FOXP1: variants seen among roughly 807,000 people sequenced by gnomAD.
FOXP1 encodes forkhead box protein P1.
A neutral mutation model predicts 98.2 loss-of-function variants in FOXP1; 15 were observed. The observed-to-expected ratio is 0.15, with a 90% CI of 0.10 to 0.24. The LOEUF (loss-of-function observed/expected upper bound fraction) is 0.24. Among genes scored for constraint, FOXP1 ranks in the 10% least tolerant of loss-of-function variants. FOXP1 has a pLI of 1.00. For synonymous variants in FOXP1, 371 were observed against 314.5 expected (o/e 1.18, Z -1.90); for missense variants, 633 against 848.5 (o/e 0.75, Z 3.15).
intron 5 of FOXP1, among the ~76,000 whole-genome samples, chr3:71,200,136 T>C (rs2063578702): frequency 6.9e-6 from 1 of 145,944 alleles, no homozygotes; most frequent in Non-Finnish European, 1.5e-5. Context: ...TGTAAATACA[T>C]TTCACATTCA....
chr3:71,139,095 T>A (rs753398272), intron 6 of FOXP1, among the ~76,000 whole-genome samples: 8 of 152,166 alleles, frequency 5.3e-5, no homozygotes, highest in Admixed American at 1.3e-4. Flanking sequence ...ACAGGAAATT[T>A]TCTTTTATGA....
chr3:71,314,530 A>AATATATATATATAT (rs59655430), intron 4 of FOXP1, among the ~76,000 whole-genome samples: 8 of 143,398 alleles, frequency 5.6e-5, no homozygotes, highest in African/African-American at 1.0e-4. Flanking sequence ...CCGTCTAAAA[A>AATATATATATATAT]ATATATATAT....
intron 6 of FOXP1, chr3:71,130,805 A>G (rs1388632697): frequency 1.4e-6 from 2 of 1,434,720 alleles, no homozygotes; most frequent in Non-Finnish European, 1.8e-6. Context: ...TTGAAAGATC[A>G]GTTGGAGCTT....
In FOXP1 at chr3:71,173,419, ACAC is replaced by A. The variant is rs1305569882; in HGVS notation, c.180+24780_180+24782del. Among the ~76,000 whole-genome samples the A allele has an allele frequency of 1.0e-4, 15 of 148,722 alleles. 1 individual carries two copies. The highest frequency in any genetic ancestry group is 9.4e-4 in the Admixed American group (14 of 14,936). On this transcript the variant is annotated intron_variant, in intron 6 of 20. Coordinates refer to ENST00000649528, the MANE Select transcript of FOXP1 (RefSeq NM_001349338.3). ...CACACACACACACACACACACACAC[ACAC>A]TTTTTGCCTTAGTTCTTGCCCTGCA...
At position 71,053,648 on chromosome 3, in the gene FOXP1, G is replaced by A. The variant is rs1025970989; in HGVS notation, c.408C>T (p.Leu136=). ...LQVLLQQQQA[L]MLQQQQLQEF... ...GAAGGACAATTACCTGTTGAAGCAT[G>A]AGGGCCTGCTGCTGCTGGAGGAGAA... The change falls in exon 8 of 21, where the codon CTC becomes CTT. Residue 136 remains leucine, a synonymous_variant. Coordinates refer to ENST00000649528, the MANE Select transcript of FOXP1 (RefSeq NM_001349338.3). 6.2e-7 allele frequency: 1 copy of A among 1,614,122 alleles called. No homozygotes were observed. Among genetic ancestry groups the A allele is most frequent in the Non-Finnish European group, 8.5e-7 (1 of 1,180,000 alleles).
intron 5 of FOXP1, among the ~76,000 whole-genome samples, chr3:71,248,092 A>G (rs758518671): frequency 3.9e-5 from 6 of 152,224 alleles, no homozygotes; most frequent in Non-Finnish European, 8.8e-5. Flanking sequence ...GGACTTGTCA[A>G]TTACACAAGC....
At position 71,052,596 on chromosome 3, in the gene FOXP1, G is replaced by T; in HGVS notation, c.451C>A (p.Gln151Lys). 2 of 1,422,232 alleles carry T rather than the reference G, an allele frequency of 1.4e-6. No individual in the cohort carries two copies. The highest frequency in any genetic ancestry group is 2.0e-6 in the Non-Finnish European group (2 of 1,004,590). 88.1% of individuals were successfully genotyped at this position (1,422,232 alleles called of 1,614,324 possible). ...AAAAGTTGAAGCTGCAACTGTTCCT[G>T]TTGTTTTTTATAAAACTCTTGAAGC... ...QQLQEFYKKQ[Q>K]EQLQLQLLQQ... Residue 151 changes from glutamine (Q) to lysine (K), a missense_variant, in exon 9 of 21, where the codon CAG becomes AAG. Transcript: ENST00000649528.
intron 5 of FOXP1, among the ~76,000 whole-genome samples, chr3:71,249,105 T>TAACTG (rs1436742945): frequency 6.6e-6 from 1 of 152,188 alleles, no homozygotes; most frequent in East Asian, 1.9e-4. Flanking sequence ...GGAAAGAAAA[T>TAACTG]AACTGAATGG....
At chr3:71,067,008 AG>A (rs1257527746) in intron 7 of FOXP1, among the ~76,000 whole-genome samples, 22 of 152,170 alleles carry the variant, frequency 1.4e-4, no homozygotes, top group African/African-American at 5.3e-4. Flanking sequence ...GGTGGCTGTA[AG>A]CACCATGGGA....
At chr3:71,454,104 T>C (rs1418974586) in intron 3 of FOXP1, among the ~76,000 whole-genome samples, 1 of 152,290 alleles carries the variant, frequency 6.6e-6, no homozygotes, top group East Asian at 1.9e-4. Flanking sequence ...CTGCACCCCT[T>C]TGTAAGATGT....
intron 19 of FOXP1, among the ~76,000 whole-genome samples, chr3:70,967,526 T>C (rs1175435857): frequency 6.6e-6 from 1 of 152,142 alleles, no homozygotes; most frequent in Non-Finnish European, 1.5e-5. Context: ...CTCATTTTGA[T>C]GAACAGCAAA....
intron 5 of FOXP1, among the ~76,000 whole-genome samples, chr3:71,264,131 T>G (rs1411081193): frequency 6.6e-6 from 1 of 152,142 alleles, no homozygotes; most frequent in Non-Finnish European, 1.5e-5. Context: ...CAACTATGAC[T>G]TGTAAGTCCA....
intron 3 of FOXP1, among the ~76,000 whole-genome samples, chr3:71,384,691 C>A (rs538426816): frequency 6.6e-6 from 1 of 152,302 alleles, no homozygotes; most frequent in South Asian, 2.1e-4. Context: ...ACAATTGTCA[C>A]CAACTGTAAA....
At chr3:71,490,873 T>C (rs2091012848) in intron 3 of FOXP1, among the ~76,000 whole-genome samples, 1 of 152,212 alleles carries the variant, frequency 6.6e-6, no homozygotes, top group Admixed American at 6.5e-5. Context: ...AAGACAGAGA[T>C]GACAGGTAAC....
chr3:71,477,631 T>C (rs2089960097), intron 3 of FOXP1, among the ~76,000 whole-genome samples: 1 of 152,236 alleles, frequency 6.6e-6, no homozygotes, highest in Non-Finnish European at 1.5e-5. Flanking sequence ...ATTTCTCTTA[T>C]GATGTTGAGC....
chr3:71,558,831 C>T (rs2046337482), intron 2 of FOXP1, among the ~76,000 whole-genome samples: 1 of 127,518 alleles, frequency 7.8e-6, no homozygotes, highest in African/African-American at 3.1e-5. Context: ...GAGGCAGAGT[C>T]TCGCTCTTTC....
At chr3:71,323,642 G>T (rs192592726) in intron 4 of FOXP1, among the ~76,000 whole-genome samples, 120 of 152,268 alleles carry the variant, frequency 7.9e-4, no homozygotes, top group African/African-American at 2.8e-3. Context: ...TCGTAAAAAG[G>T]CCCCGCAGGC....
intron 3 of FOXP1, among the ~76,000 whole-genome samples, chr3:71,462,743 A>C (rs1319678913): frequency 1.3e-5 from 2 of 152,214 alleles, no homozygotes; most frequent in Admixed American, 1.3e-4. Context: ...CGATGAAGGA[A>C]AATTCAAACC....
At chr3:71,084,350 G>T (rs2054784742) in intron 7 of FOXP1, among the ~76,000 whole-genome samples, 1 of 151,136 alleles carries the variant, frequency 6.6e-6, no homozygotes, top group Admixed American at 6.6e-5. Flanking sequence ...TTCAGTGTGT[G>T]TGGTTTTTTT....
Sources: gnomAD v4.1 joint callset for allele counts (sites outside exome capture counted in the v4.1 genomes callset) on GRCh38, gnomAD v4.1.1 for gene constraint, MANE v1.5 for transcripts, NCBI Gene and HGNC (gene_info 2026-07-23, HGNC 2026-07-21) for gene names.